The following GABPB1 variants were observed in gnomAD, a reference collection of about 807,000 sequenced individuals.
GABPB1 encodes GA binding protein transcription factor subunit beta 1, also known as GA-binding protein subunit beta-1.
In GABPB1, 15 loss-of-function variants were observed where a neutral mutation model predicts 45.9. The ratio of observed to expected loss-of-function variants is 0.33; its 90% CI spans 0.22 to 0.50. The LOEUF (loss-of-function observed/expected upper bound fraction) is 0.50. Among genes scored for constraint, GABPB1 ranks in the 20% least tolerant of loss-of-function variants. GABPB1 has a pLI of 0.98. For missense variants in GABPB1, 252 were observed against 457.5 expected (o/e 0.55, Z 4.10); for synonymous variants, 143 against 154.4 (o/e 0.93, Z 0.55).
intron 7 of GABPB1, among the ~76,000 whole-genome samples, chr15:50,287,242 C>T (rs1194105726): frequency 1.1e-4 from 17 of 152,040 alleles, no homozygotes; most frequent in Admixed American, 1.1e-3. Context: ...GTAGAACTTT[C>T]TCATGGTTAT....
Position 50,301,323 on chromosome 15 carries a change from T to G in GABPB1, c.517A>C (p.Thr173Pro). 6.2e-7 allele frequency: 1 copy of G among 1,614,138 alleles called. No homozygotes were observed. The highest frequency in any genetic ancestry group is 8.5e-7 in the Non-Finnish European group (1 of 1,179,982). Residue 173 changes from threonine (T) to proline (P), a missense_variant, in exon 5 of 9, where the codon ACT becomes CCT. Around this residue, in one of 4 missense-constraint regions of GABPB1, gnomAD observed 193 missense variants for 259.9 expected, o/e 0.74. Transcript: ENST00000380877. ...QINTNPESPD[T>P]VTIHAATPQF... is the part of the protein sequence containing the mutation. The stretch of plus-strand genomic sequence containing the variant: ...GGTGTTGCAGCATGTATTGTCACAG[T>G]GTCAGGACTCTCTGGGTTTGTGTTG...
chr15:50,342,551 A>T (rs1354248937), intron 1 of GABPB1, among the ~76,000 whole-genome samples: 7 of 152,242 alleles, frequency 4.6e-5, no homozygotes, highest in Non-Finnish European at 8.8e-5. Context: ...TGTAGATTAT[A>T]ACAAAAGTAG....
At chr15:50,301,108 A>C in intron 5 of GABPB1, 149 bp downstream of exon 5, 2 of 1,187,546 alleles carry the variant, frequency 1.7e-6, no homozygotes, top group South Asian at 3.0e-5. Context: ...TACCAAAGAA[A>C]ACAAAGGTGG....
At chr15:50,343,946 A>T (rs1267236217) in intron 1 of GABPB1, among the ~76,000 whole-genome samples, 1 of 152,204 alleles carries the variant, frequency 6.6e-6, no homozygotes, top group Admixed American at 6.5e-5. Flanking sequence ...ACCTACTTTT[A>T]TTCCTTTTCA....
At chr15:50,282,426 G>A (rs779395527) in intron 8 of GABPB1, 2 of 370,488 alleles carry the variant, frequency 5.4e-6, no homozygotes, top group Non-Finnish European at 1.0e-5. Context: ...ACTTAGCCGG[G>A]TATAGCGGTC....
intron 6 of GABPB1, among the ~76,000 whole-genome samples, chr15:50,298,750 G>A (rs1352082947): frequency 2.6e-5 from 4 of 152,208 alleles, no homozygotes; most frequent in South Asian, 2.1e-4. Context: ...TGAGGAGTTC[G>A]AGACCAGCTT....
chr15:50,301,135 C>T, intron 5 of GABPB1, 122 bp downstream of exon 5: 1 of 1,359,080 alleles, frequency 7.4e-7, no homozygotes, highest in South Asian at 1.4e-5. Context: ...GAATCTTACC[C>T]TCATTCTCCA....
At chr15:50,303,926 A>G (rs907927797) in intron 3 of GABPB1, 40 bp downstream of exon 3, 19 of 1,486,396 alleles carry the variant, frequency 1.3e-5, no homozygotes, top group East Asian at 2.3e-5. Context: ...ATAAAACCGT[A>G]AAGTATTTTA....
chr15:50,294,872 C>A (rs986750872), intron 6 of GABPB1, among the ~76,000 whole-genome samples: 1 of 152,056 alleles, frequency 6.6e-6, no homozygotes, highest in East Asian at 1.9e-4. Context: ...TTTGGAAAAA[C>A]CACTTTATTA....
At chr15:50,346,077 G>C (rs1233892128) in intron 1 of GABPB1, among the ~76,000 whole-genome samples, 1 of 152,030 alleles carries the variant, frequency 6.6e-6, no homozygotes, top group African/African-American at 2.4e-5. Context: ...AGTGACCAGA[G>C]AGGTAAAGTT....
At chr15:50,317,524 TA>T (rs1237237235) in intron 1 of GABPB1, among the ~76,000 whole-genome samples, 3 of 152,156 alleles carry the variant, frequency 2.0e-5, no homozygotes, top group African/African-American at 7.2e-5. Context: ...ATAGCAAGCA[TA>T]TATTACTAAT....
intron 1 of GABPB1, among the ~76,000 whole-genome samples, chr15:50,335,859 G>A (rs2048101816): frequency 7.8e-6 from 1 of 128,810 alleles, no homozygotes; most frequent in Non-Finnish European, 1.5e-5. Context: ...TCATGGTGCT[G>A]CACTCCAGCC....
chr15:50,305,885 G>C (rs919094244), intron 2 of GABPB1, among the ~76,000 whole-genome samples: 19 of 151,988 alleles, frequency 1.3e-4, no homozygotes, highest in African/African-American at 4.6e-4. Context: ...GAGCTCAAGC[G>C]ATCCTCCTCC....
chr15:50,307,986 T>C (rs1482180933), intron 2 of GABPB1, among the ~76,000 whole-genome samples: 1 of 152,230 alleles, frequency 6.6e-6, no homozygotes, highest in Non-Finnish European at 1.5e-5. Context: ...TCTATTTTTA[T>C]CTGTGACATA....
At chr15:50,343,554 T>C (rs554921469) in intron 1 of GABPB1, among the ~76,000 whole-genome samples, 2 of 152,116 alleles carry the variant, frequency 1.3e-5, no homozygotes, top group South Asian at 2.1e-4. Context: ...CCTCTTTTTT[T>C]TTTAGATGGA....
At chr15:50,332,095 G>A (rs1226424003) in intron 1 of GABPB1, among the ~76,000 whole-genome samples, 13 of 151,924 alleles carry the variant, frequency 8.6e-5, no homozygotes, top group African/African-American at 2.4e-4. Flanking sequence ...TGCTGGTCTC[G>A]AACTCCTGAC....
chr15:50,336,666 G>T (rs1198340893), intron 1 of GABPB1, among the ~76,000 whole-genome samples: 1 of 152,004 alleles, frequency 6.6e-6, no homozygotes. Flanking sequence ...CTGGGCAACA[G>T]AACAAGACAC....
chr15:50,302,976 C>T lies in GABPB1; in HGVS notation c.424G>A (p.Asp142Asn). Residue 142 changes from aspartate (D) to asparagine (N), a missense_variant, in exon 4 of 9, where the codon GAT (aspartate) becomes AAT (asparagine). By Grantham distance (23) the Asp-to-Asn change is conservative. This residue lies in a region of GABPB1 where 193 missense variants were observed against 259.9 expected (regional missense o/e 0.74). Coordinates refer to ENST00000380877, the MANE Select transcript of GABPB1 (RefSeq NM_016654.5). ...TQSKFCKTAF[D>N]ISIDNGNEDL... ...TCATTTCCATTGTCTATTGAAATAT[C>T]AAATGCAGTTTTACAAAATTTACTT... 1 of 1,613,448 alleles carries T rather than the reference C, an allele frequency of 6.2e-7. No homozygotes were observed. The highest frequency in any genetic ancestry group is 8.5e-7 in the Non-Finnish European group (1 of 1,179,682).
intron 1 of GABPB1, among the ~76,000 whole-genome samples, chr15:50,346,945 G>A (rs545228596): frequency 6.6e-6 from 1 of 151,866 alleles, no homozygotes; most frequent in East Asian, 1.9e-4. Context: ...ACCTGCCACT[G>A]TGCCCGGCTA....
Sources: gnomAD v4.1 joint callset for allele counts (sites outside exome capture counted in the v4.1 genomes callset) on GRCh38, gnomAD v4.1.1 for gene constraint, gnomAD v4.1.1 regional missense constraint, MANE v1.5 for transcripts, NCBI Gene and HGNC (gene_info 2026-07-23, HGNC 2026-07-21) for gene names.